Variants in NPAT observed in about 807,000 individuals in gnomAD.
NPAT encodes the protein nuclear protein, coactivator of histone transcription, also known as protein NPAT.
A neutral mutation model predicts 130.7 loss-of-function variants in NPAT; 52 were observed. The ratio of observed to expected loss-of-function variants is 0.40; its 90% confidence interval spans 0.32 to 0.50. NPAT has a LOEUF of 0.50. NPAT is among the 20% of genes least tolerant of loss of function. NPAT has a pLI of 0.68. For synonymous variants in NPAT, 580 were observed against 584.8 expected (o/e 0.99, Z 0.12); for missense variants, 1,687 against 1,662.6 (o/e 1.01, Z -0.26).
chr11:108,184,839 A>G (rs898124236), intron 10 of NPAT, among the ~76,000 whole-genome samples: 3 of 152,164 alleles, frequency 2.0e-5, no homozygotes, highest in African/African-American at 7.2e-5. Context: ...GCCCCATTAC[A>G]TATCTTTATT....
At chr11:108,162,048 G>A (rs561917774) in intron 16 of NPAT, 34 bp from the exon 17 acceptor site, 1 of 1,609,354 alleles carries the variant, frequency 6.2e-7, no homozygotes, top group South Asian at 1.1e-5. Context: ...ATTTCTAGCA[G>A]CATAAAGAAA....
intron 15 of NPAT, 77 bp downstream of exon 15, chr11:108,169,667 A>C: frequency 2.8e-6 from 3 of 1,062,478 alleles, no homozygotes; most frequent in Non-Finnish European, 4.4e-6. Context: ...GTATTCAGAA[A>C]GAAAACATTT....
chr11:108,202,827 C>T (rs1330903069), intron 1 of NPAT, among the ~76,000 whole-genome samples: 1 of 152,142 alleles, frequency 6.6e-6, no homozygotes, highest in Non-Finnish European at 1.5e-5. Context: ...TCTTCACTAA[C>T]TGGGTAGAAG....
rs2077844544 is a variant in NPAT, at chr11:108,161,228, A to G, written c.3858T>C (p.Ile1286=). 3 of 1,614,104 alleles carry G rather than the reference A, an allele frequency of 1.9e-6. No homozygotes were observed. The highest frequency in any genetic ancestry group is 2.2e-5 in the East Asian group (1 of 44,880). The change falls in exon 17 of 18, where the codon ATT becomes ATC. Residue 1286 remains isoleucine (I), a synonymous_variant. Transcript: ENST00000278612. The stretch of plus-strand genomic sequence containing the variant: ...AACGCCTACTAGAGGGGGCCTTGAT[A>G]ATATCTATAGGTTCTTCTTTATGTT... The part of the protein sequence containing the change: ...GEKHKEEPID[I]IKAPSSRRFS...
intron 1 of NPAT, among the ~76,000 whole-genome samples, chr11:108,205,625 G>T (rs1473117828): frequency 6.6e-6 from 1 of 152,138 alleles, no homozygotes; most frequent in South Asian, 2.1e-4. Flanking sequence ...AAAATTGTAT[G>T]TTATCAAATA....
In NPAT at chr11:108,190,640, A is replaced by G. The variant is rs886863545; in HGVS notation, c.291-140T>C. ...TCTCAGACAAAAAAGACAAACACAC[A>G]CATTTTTTGGGCAAGCAACTGTGAT... On this transcript the variant is annotated intron_variant, in intron 4 of 17. Transcript: ENST00000278612. 5.4e-6 allele frequency: 4 copies of G among 739,434 alleles called. No homozygotes were observed. In the Admixed American group the frequency reaches 8.3e-5, roughly 15 times the overall value. The allele number at this position is 739,434 out of a possible 1,614,324, so 45.8% of individuals were successfully genotyped here. A position where few individuals can be genotyped will look rare whatever the true frequency, so the allele number is the denominator to read the frequency against.
Position 108,173,234 on chromosome 11 carries a change from C to T in NPAT, c.1750G>A (p.Val584Met), listed in dbSNP as rs899972140. Reference sequence around the variant, plus strand: ...AGCTGTGACATAACTGGTTCTAACACATTAATTTCTATTTTACTCTTGTGA... The same window carrying T: ...AGCTGTGACATAACTGGTTCTAACATATTAATTTCTATTTTACTCTTGTGA... ...EVHKSKIEIN[V>M]LEPVMSQLSN... The change falls in exon 13 of 18, where the codon GTG (valine) becomes ATG (methionine). Residue 584 changes from valine to methionine, a missense_variant. By Grantham distance (21) the Val-to-Met change is conservative. Transcript: ENST00000278612. 4 of 1,612,934 alleles carry T rather than the reference C, an allele frequency of 2.5e-6. No individual in the cohort carries two copies. The highest frequency in any genetic ancestry group is 1.7e-5 in the Admixed American group (1 of 60,008).
Position 108,197,330 on chromosome 11 carries a change from T to C in NPAT, c.128A>G (p.Asp43Gly). Reference sequence around the variant, plus strand: ...TAAGCAGGCTGGAATAAACCCTTCATCTGTACAATGTTCTGCATATTCTTT... The same window carrying C: ...TAAGCAGGCTGGAATAAACCCTTCACCTGTACAATGTTCTGCATATTCTTT... ...DLKEYAEHCT[D>G]EGFIPACLLS... The change falls in exon 2 of 18, where the codon GAT (aspartate) becomes GGT (glycine). Residue 43 changes from aspartate to glycine, a missense_variant. Asp to Gly is a moderately conservative substitution (Grantham distance 94, BLOSUM62 -1). Coordinates refer to ENST00000278612, the MANE Select transcript of NPAT (RefSeq NM_002519.3). 6.2e-7 allele frequency: 1 copy of C among 1,610,378 alleles called. No homozygotes were observed. The highest frequency in any genetic ancestry group is 8.5e-7 in the Non-Finnish European group (1 of 1,176,626).
rs1435328360 is a variant in NPAT, at chr11:108,161,716, G to A, written c.3370C>T (p.Leu1124=). The A allele has an allele frequency of 6.2e-7, 1 of 1,613,818 alleles. No homozygotes were observed. Among genetic ancestry groups the A allele is most frequent in the Non-Finnish European group, 8.5e-7 (1 of 1,180,028 alleles). The change falls in exon 17 of 18, where the codon CTG becomes TTG. Residue 1124 remains leucine (L), a synonymous_variant. Coordinates refer to ENST00000278612, the MANE Select transcript of NPAT (RefSeq NM_002519.3). ...TCCGATTTAGATAAAATCTTAGGCA[G>A]AGGAGGCTTCTCTTTCTCTCTTTTG... is the stretch of plus-strand genomic sequence containing the variant. The part of the protein sequence containing the change: ...AIKREKEKPP[L]PKILSKSESA...
chr11:108,209,256 G>C (rs1391516289), intron 1 of NPAT, among the ~76,000 whole-genome samples: 1 of 151,894 alleles, frequency 6.6e-6, no homozygotes, highest in African/African-American at 2.4e-5. Flanking sequence ...CTCCAGCCTG[G>C]GTGACAGGGC....
chr11:108,168,347 T>C (rs1331440238), intron 15 of NPAT, among the ~76,000 whole-genome samples: 1 of 152,130 alleles, frequency 6.6e-6, no homozygotes, highest in Non-Finnish European at 1.5e-5. Context: ...GTGATAGATA[T>C]CAAATGGCCA....
intron 4 of NPAT, among the ~76,000 whole-genome samples, chr11:108,191,861 T>A (rs192132802): frequency 2.0e-5 from 3 of 152,340 alleles, no homozygotes; most frequent in East Asian, 1.9e-4. Context: ...TAACAATATA[T>A]CTGCCTTTAA....
chr11:108,181,373 G>A (rs893107958), intron 10 of NPAT, among the ~76,000 whole-genome samples: 3 of 152,160 alleles, frequency 2.0e-5, no homozygotes, highest in African/African-American at 7.2e-5. Context: ...GCTGAAGCAG[G>A]AGAATCGCTT....
intron 7 of NPAT, 125 bp downstream of exon 7, chr11:108,187,973 T>A (rs555148248): frequency 2.7e-6 from 2 of 744,882 alleles, no homozygotes; most frequent in Non-Finnish European, 4.7e-6. Flanking sequence ...TTTGGAATAG[T>A]TCTAATATAG....
At chr11:108,170,209 A>C (rs967215892) in intron 13 of NPAT, 166 bp from the exon 14 acceptor site, 5 of 600,580 alleles carry the variant, frequency 8.3e-6, no homozygotes, top group Admixed American at 2.9e-5. Context: ...AACAAAAAAA[A>C]CGAAACTGAA....
chr11:108,211,546 GAAA>G (rs200914423), intron 1 of NPAT, among the ~76,000 whole-genome samples: 3 of 111,684 alleles, frequency 2.7e-5, no homozygotes, highest in Non-Finnish European at 3.9e-5. Flanking sequence ...CTGTCTTCAG[GAAA>G]AAAAAAAAAA....
At chr11:108,220,996 T>A (rs1347607305) in intron 1 of NPAT, among the ~76,000 whole-genome samples, 1 of 152,214 alleles carries the variant, frequency 6.6e-6, no homozygotes, top group Non-Finnish European at 1.5e-5. Context: ...GCGTTTTTTG[T>A]CCATTAAATG....
At chr11:108,197,121 T>C (rs961081619) in intron 2 of NPAT, among the ~76,000 whole-genome samples, 181 bp downstream of exon 2, 1 of 152,242 alleles carries the variant, frequency 6.6e-6, no homozygotes, top group Admixed American at 6.5e-5. Flanking sequence ...CATTTAATAG[T>C]TTTGGCATAA....
intron 15 of NPAT, among the ~76,000 whole-genome samples, chr11:108,167,290 C>T (rs919679317): frequency 6.6e-6 from 1 of 152,206 alleles, no homozygotes; most frequent in Non-Finnish European, 1.5e-5. Flanking sequence ...GGCTTACTTA[C>T]AGCCTCAACC....
Sources: gnomAD v4.1 joint callset for allele counts (sites outside exome capture counted in the v4.1 genomes callset) on GRCh38, gnomAD v4.1.1 for gene constraint, MANE v1.5 for transcripts, NCBI Gene and HGNC (gene_info 2026-07-23, HGNC 2026-07-21) for gene names.